FGF12: variants seen among roughly 807,000 people sequenced by gnomAD.
The protein encoded by FGF12 is fibroblast growth factor 12.
FGF12 carries 14 observed loss-of-function variants against 23.6 expected under a neutral mutation model. That is an observed-to-expected ratio of 0.59 (90% CI 0.39 to 0.93). FGF12 has a LOEUF of 0.93. FGF12 is among the 40% of genes least tolerant of loss of function. The pLI is 0.00. For synonymous variants in FGF12, 62 were observed against 77.3 expected (o/e 0.80, Z 1.04); for missense variants, 175 against 217.8 (o/e 0.80, Z 1.24).
chr3:192,724,579 A>T (rs1217400021), intron 2 of FGF12, among the ~76,000 whole-genome samples: 1 of 152,212 alleles, frequency 6.6e-6, no homozygotes, highest in Non-Finnish European at 1.5e-5. Context: ...CGGACTGCGT[A>T]CCAACCCAAA....
chr3:192,618,342 C>T (rs1714842323), intron 2 of FGF12, among the ~76,000 whole-genome samples: 1 of 151,962 alleles, frequency 6.6e-6, no homozygotes, highest in African/African-American at 2.4e-5. Flanking sequence ...GGTCTCTAAG[C>T]TCAATGTGTA....
intron 4 of FGF12, among the ~76,000 whole-genome samples, chr3:192,315,751 C>T (rs1368554674): frequency 1.3e-5 from 2 of 150,454 alleles, no homozygotes; most frequent in Non-Finnish European, 2.9e-5. Flanking sequence ...TTTTGGAAAT[C>T]AGGGTGAACT....
chr3:192,287,473 A>C (rs1714518640), intron 4 of FGF12, among the ~76,000 whole-genome samples: 1 of 152,076 alleles, frequency 6.6e-6, no homozygotes, highest in Admixed American at 6.6e-5. Flanking sequence ...GTGTTTAGCT[A>C]TCTGGTCTGT....
intron 2 of FGF12, among the ~76,000 whole-genome samples, chr3:192,573,839 T>G (rs868579912): frequency 7.8e-4 from 119 of 152,326 alleles, no homozygotes; most frequent in African/African-American, 2.7e-3. Flanking sequence ...TCAGCAACAT[T>G]TAATTGCCAT....
chr3:192,437,558 G>C (rs923253597), intron 2 of FGF12, among the ~76,000 whole-genome samples: 2 of 152,098 alleles, frequency 1.3e-5, no homozygotes, highest in Non-Finnish European at 2.9e-5. Context: ...CGGGTGTGGT[G>C]GTGGGTGCCT....
chr3:192,419,476 A>T (rs1353262957), intron 2 of FGF12, among the ~76,000 whole-genome samples: 1 of 152,162 alleles, frequency 6.6e-6, no homozygotes, highest in East Asian at 1.9e-4. Context: ...TCTTCCACCC[A>T]TGGAATAGAT....
rs371570041 is a variant in FGF12, at chr3:192,310,692, T to A, written c.228+24669A>T. Among the ~76,000 whole-genome samples the A allele has an allele frequency of 1.5e-4, 23 of 152,320 alleles. No homozygotes were observed. In the East Asian group the frequency reaches 4.2e-3, roughly 28 times the overall value. Reference sequence around the variant, plus strand: ...TTTTGCAATTTAATACCTACTCAAATGTACCACCTCATTAAGAGATATGTA... The same window carrying A: ...TTTTGCAATTTAATACCTACTCAAAAGTACCACCTCATTAAGAGATATGTA... On this transcript the variant is annotated intron_variant, in intron 4 of 5. Coordinates refer to ENST00000445105, the MANE Select transcript of FGF12 (RefSeq NM_004113.6).
At chr3:192,202,138 T>C (rs1224883228) in intron 4 of FGF12, among the ~76,000 whole-genome samples, 1 of 152,054 alleles carries the variant, frequency 6.6e-6, no homozygotes, top group East Asian at 1.9e-4. Context: ...GAGTGGTATT[T>C]GAGATGGGAC....
chr3:192,329,582 G>A (rs1249070330), intron 4 of FGF12, among the ~76,000 whole-genome samples: 1 of 152,124 alleles, frequency 6.6e-6, no homozygotes, highest in African/African-American at 2.4e-5. Flanking sequence ...GGATGGTCGA[G>A]GGCTTACTTG....
intron 2 of FGF12, among the ~76,000 whole-genome samples, chr3:192,696,667 T>A (rs1290542416): frequency 1.3e-5 from 2 of 152,112 alleles, no homozygotes; most frequent in Non-Finnish European, 2.9e-5. Flanking sequence ...TAATTCTCTA[T>A]TTCCTTACCG....
chr3:192,205,645 T>A (rs1037392317), intron 4 of FGF12, among the ~76,000 whole-genome samples: 3 of 152,036 alleles, frequency 2.0e-5, no homozygotes, highest in Non-Finnish European at 2.9e-5. Flanking sequence ...GCTTAAGAAG[T>A]TCTTGTAAAA....
At chr3:192,448,805 CACCA>C (rs1722436274) in intron 2 of FGF12, among the ~76,000 whole-genome samples, 1 of 152,060 alleles carries the variant, frequency 6.6e-6, no homozygotes, top group African/African-American at 2.4e-5. Context: ...GATGAATGGC[CACCA>C]ATATGCCATA....
rs903985383 is a variant in FGF12 at position 192,667,633 on chromosome 3, A to G, written c.13+59548T>C. Among the ~76,000 whole-genome samples the G allele has an allele frequency of 2.8e-5, 4 of 144,048 alleles. No homozygotes were observed. The East Asian group carries it at 6.3e-4, about 23-fold the overall frequency. The allele number at this position is 144,048 out of a possible 152,430, so 94.5% of individuals were successfully genotyped here. The stretch of plus-strand genomic sequence containing the variant: ...AAAAAAAAAAAAAAAAAAAAAAAAA[A>G]GTAGGAGATTACTATGCAAAGAGAC... On this transcript the variant is annotated intron_variant, in intron 2 of 5. Coordinates refer to ENST00000445105, the MANE Select transcript of FGF12 (RefSeq NM_004113.6).
intron 2 of FGF12, among the ~76,000 whole-genome samples, chr3:192,471,876 T>C (rs1347981839): frequency 2.0e-5 from 3 of 152,220 alleles, no homozygotes; most frequent in Non-Finnish European, 1.5e-5. Flanking sequence ...ATTTCAAGCT[T>C]ACATATTTAT....
At chr3:192,168,412 C>G (rs1715349359) in intron 5 of FGF12, among the ~76,000 whole-genome samples, 1 of 152,128 alleles carries the variant, frequency 6.6e-6, no homozygotes. Flanking sequence ...TTTTGTCTGC[C>G]TAATCCCTAC....
At chr3:192,345,774 T>G (rs562053535) in intron 3 of FGF12, among the ~76,000 whole-genome samples, 1 of 151,746 alleles carries the variant, frequency 6.6e-6, no homozygotes, top group East Asian at 1.9e-4. Context: ...CAGACTATAA[T>G]AAGAAAATGT....
intron 3 of FGF12, among the ~76,000 whole-genome samples, chr3:192,337,548 A>G (rs1717480438): frequency 6.6e-6 from 1 of 152,214 alleles, no homozygotes; most frequent in Non-Finnish European, 1.5e-5. Flanking sequence ...GACGTGTGAC[A>G]TATGAAAACT....
chr3:192,193,799 C>T (rs1716925047), intron 4 of FGF12, among the ~76,000 whole-genome samples: 1 of 151,850 alleles, frequency 6.6e-6, no homozygotes, highest in South Asian at 2.1e-4. Context: ...ATTCCAAATG[C>T]ATTATAATTT....
intron 2 of FGF12, among the ~76,000 whole-genome samples, chr3:192,400,609 C>T (rs1189936307): frequency 2.0e-5 from 3 of 152,070 alleles, no homozygotes; most frequent in African/African-American, 7.2e-5. Context: ...CGTTGTGATC[C>T]ACCTGCCTCA....
Sources: gnomAD v4.1 joint callset for allele counts (sites outside exome capture counted in the v4.1 genomes callset) on GRCh38, gnomAD v4.1.1 for gene constraint, MANE v1.5 for transcripts, NCBI Gene and HGNC (gene_info 2026-07-23, HGNC 2026-07-21) for gene names.